ADAM12: variants seen among roughly 807,000 people sequenced by gnomAD.
The protein encoded by ADAM12 is ADAM metallopeptidase domain 12.
ADAM12 carries 70 observed loss-of-function variants against 106.4 expected under a neutral mutation model. The ratio of observed to expected loss-of-function variants is 0.66; its 90% CI spans 0.54 to 0.80. ADAM12 has a LOEUF of 0.80. Among genes scored for constraint, ADAM12 ranks in the 30% least tolerant of loss-of-function variants. The pLI, the probability that ADAM12 is intolerant of heterozygous loss-of-function variation, is 0.00. For synonymous variants in ADAM12, 420 were observed against 433.5 expected (o/e 0.97, Z 0.39); for missense variants, 1,010 against 1,171.9 (o/e 0.86, Z 2.02).
chr10:126,138,179 T>C lies in ADAM12; in HGVS notation c.340-2519A>G, dbSNP rs540837858. Among the ~76,000 whole-genome samples the C allele has an allele frequency of 5.3e-5, 8 of 152,344 alleles. No individual in the cohort carries two copies. In the East Asian group the frequency reaches 1.5e-3, roughly 29 times the overall value. The stretch of plus-strand genomic sequence containing the variant: ...TGTTGGGGATCTTTTCATGTGTTTA[T>C]TGTCCATTTTTATGTCTTCTTTGAA... On this transcript the variant is annotated intron_variant, in intron 4 of 22. Coordinates refer to ENST00000448723, the MANE Select transcript of ADAM12 (RefSeq NM_001288973.2).
intron 2 of ADAM12, among the ~76,000 whole-genome samples, chr10:126,320,582 C>A (rs1000367482): frequency 6.6e-6 from 1 of 152,190 alleles, no homozygotes; most frequent in South Asian, 2.1e-4. Context: ...TTATATGTTG[C>A]AACTTCAAAG....
intron 3 of ADAM12, among the ~76,000 whole-genome samples, chr10:126,177,902 C>G (rs1013127011): frequency 6.6e-6 from 1 of 152,200 alleles, no homozygotes; most frequent in Non-Finnish European, 1.5e-5. Context: ...GAGCGAGCAA[C>G]GTGTCACTCA....
intron 21 of ADAM12, among the ~76,000 whole-genome samples, chr10:126,024,956 T>A (rs1195714896): frequency 6.6e-6 from 1 of 151,384 alleles, no homozygotes; most frequent in Non-Finnish European, 1.5e-5. Flanking sequence ...GCTACTGGGG[T>A]CTGGAGCAGA....
At position 126,158,307 on chromosome 10, in the gene ADAM12, C is replaced by T. The variant is rs908104257; in HGVS notation, c.261-3002G>A. On this transcript the variant is annotated intron_variant, in intron 3 of 22. Transcript: ENST00000448723. ...GAGCACCGGGAGAGGAGGCACAGAG[C>T]ACAGGGGGAGGCACAGAGCATGGAG... Among the ~76,000 whole-genome samples, 8 of 151,674 alleles carry T rather than the reference C, an allele frequency of 5.3e-5. 1 individual carries two copies. The highest frequency in any genetic ancestry group is 4.2e-4 in the South Asian group (2 of 4,804).
chr10:126,293,586 T>G (rs1271567620), intron 2 of ADAM12, among the ~76,000 whole-genome samples: 1 of 152,194 alleles, frequency 6.6e-6, no homozygotes, highest in Non-Finnish European at 1.5e-5. Flanking sequence ...TGGTGTGACC[T>G]TGGCTCACTG....
intron 3 of ADAM12, among the ~76,000 whole-genome samples, chr10:126,168,221 C>T (rs1311908420): frequency 6.6e-6 from 1 of 152,160 alleles, no homozygotes; most frequent in Non-Finnish European, 1.5e-5. Flanking sequence ...TCAGTATCTG[C>T]AGAATGTTTG....
At chr10:126,041,639 A>G (rs1297058240) in intron 18 of ADAM12, 1 of 987,760 alleles carries the variant, frequency 1.0e-6, no homozygotes, top group African/African-American at 1.7e-5. Context: ...ATTAAAAACT[A>G]AAACCCTGCT....
intron 4 of ADAM12, among the ~76,000 whole-genome samples, chr10:126,141,334 G>A (rs538622097): frequency 2.6e-5 from 4 of 152,208 alleles, no homozygotes; most frequent in South Asian, 4.2e-4. Context: ...AGACATTGCC[G>A]AACAAGACAT....
intron 1 of ADAM12, among the ~76,000 whole-genome samples, chr10:126,352,063 C>A (rs1267136787): frequency 6.6e-6 from 1 of 152,166 alleles, no homozygotes; most frequent in Non-Finnish European, 1.5e-5. Context: ...ACACACCCAG[C>A]TGGCTTGATG....
chr10:126,313,960 A>G (rs1389596656), intron 2 of ADAM12, among the ~76,000 whole-genome samples: 1 of 152,010 alleles, frequency 6.6e-6, no homozygotes, highest in East Asian at 1.9e-4. Flanking sequence ...AGGGGTTTTA[A>G]GGCAGAGACG....
chr10:126,182,019 CAT>C (rs1055033890), intron 3 of ADAM12, among the ~76,000 whole-genome samples: 18 of 152,194 alleles, frequency 1.2e-4, no homozygotes, highest in African/African-American at 4.3e-4. Flanking sequence ...ACGTAAAGCA[CAT>C]GATTAGGGAA....
chr10:126,170,136 A>G (rs371115042), intron 3 of ADAM12, among the ~76,000 whole-genome samples: 21 of 152,368 alleles, frequency 1.4e-4, no homozygotes, highest in African/African-American at 4.1e-4. Flanking sequence ...GCTCCCTGGC[A>G]GACTTGCAGA....
At chr10:126,202,006 T>A (rs1314367540) in intron 3 of ADAM12, among the ~76,000 whole-genome samples, 2 of 152,188 alleles carry the variant, frequency 1.3e-5, no homozygotes, top group Non-Finnish European at 1.5e-5. Context: ...GCTCGTCCAG[T>A]GGAAAGGCTC....
chr10:126,156,228 G>A (rs1170759808), intron 3 of ADAM12, among the ~76,000 whole-genome samples: 1 of 145,768 alleles, frequency 6.9e-6, no homozygotes, highest in Non-Finnish European at 1.5e-5. Context: ...AGCGATCACA[G>A]AGTAGAAACA....
intron 1 of ADAM12, among the ~76,000 whole-genome samples, chr10:126,332,395 A>G (rs762921738): frequency 6.6e-6 from 1 of 152,216 alleles, no homozygotes; most frequent in Non-Finnish European, 1.5e-5. Flanking sequence ...CAGGACTTGC[A>G]TTCTTGTACT....
chr10:126,250,678 C>G (rs1958728947), intron 3 of ADAM12, among the ~76,000 whole-genome samples: 1 of 152,072 alleles, frequency 6.6e-6, no homozygotes, highest in Admixed American at 6.5e-5. Flanking sequence ...TTGTTGAGAC[C>G]ATTGTAGATT....
At chr10:126,387,266 C>G (rs1023655505) in intron 1 of ADAM12, among the ~76,000 whole-genome samples, 8 of 152,110 alleles carry the variant, frequency 5.3e-5, no homozygotes, top group Non-Finnish European at 1.0e-4. Context: ...ACTGTGCAAA[C>G]GGGAGCCACA....
intron 14 of ADAM12, among the ~76,000 whole-genome samples, chr10:126,058,515 T>C (rs1467289119): frequency 6.6e-6 from 1 of 152,248 alleles, no homozygotes; most frequent in Non-Finnish European, 1.5e-5. Context: ...AAAGGTAAAT[T>C]GTTATTCCCT....
intron 2 of ADAM12, among the ~76,000 whole-genome samples, chr10:126,301,071 T>C (rs989598747): frequency 6.6e-5 from 10 of 152,058 alleles, no homozygotes; most frequent in African/African-American, 2.4e-4. Context: ...CTCAACAGGG[T>C]GAAAGATGCT....
Sources: gnomAD v4.1 joint callset for allele counts (sites outside exome capture counted in the v4.1 genomes callset) on GRCh38, gnomAD v4.1.1 for gene constraint, MANE v1.5 for transcripts, NCBI Gene and HGNC (gene_info 2026-07-23, HGNC 2026-07-21) for gene names.